The following CMSS1 variants were observed in gnomAD, a reference collection of about 807,000 sequenced individuals.
CMSS1 encodes the protein cms1 ribosomal small subunit homolog, also known as protein CMSS1.
CMSS1 carries 33 observed loss-of-function variants against 43.5 expected under a neutral mutation model. The ratio of observed to expected loss-of-function variants is 0.76; its 90% confidence interval spans 0.57 to 1.01. The LOEUF is 1.01. Ranked by LOEUF, CMSS1 falls within the 50% of genes least tolerant of loss-of-function variation. The probability of loss-of-function intolerance (pLI) is 0.00; values close to 1 mark genes in which losing one functional copy is unlikely to be tolerated. For missense variants in CMSS1, 313 were observed against 326.4 expected (o/e 0.96, Z 0.32); for synonymous variants, 115 against 117.2 (o/e 0.98, Z 0.12).
chr3:100,154,969 C>T (rs548395759), intron 2 of CMSS1, among the ~76,000 whole-genome samples: 1 of 152,294 alleles, frequency 6.6e-6, no homozygotes, highest in East Asian at 1.9e-4. Flanking sequence ...GAGTAAGACT[C>T]TGTCTCAAAA....
At chr3:100,045,771 G>A (rs1485481352) in intron 1 of CMSS1, among the ~76,000 whole-genome samples, 1 of 152,182 alleles carries the variant, frequency 6.6e-6, no homozygotes, top group Non-Finnish European at 1.5e-5. Flanking sequence ...GTGAATGTGG[G>A]GAAACCACAG....
chr3:99,914,120 A>G (rs979835503), intron 1 of CMSS1, among the ~76,000 whole-genome samples: 6 of 152,222 alleles, frequency 3.9e-5, no homozygotes, highest in African/African-American at 1.4e-4. Flanking sequence ...TCAACAAATC[A>G]GACTTTTCAG....
chr3:99,822,744 G>A (rs1295952410), intron 1 of CMSS1, among the ~76,000 whole-genome samples: 2 of 151,760 alleles, frequency 1.3e-5, no homozygotes, highest in Non-Finnish European at 2.9e-5. Context: ...AAATAATAAT[G>A]ATAATAATAA....
intron 6 of CMSS1, 54 bp from the exon 7 acceptor site, chr3:100,171,785 C>T (rs1238442311): frequency 7.1e-6 from 10 of 1,401,992 alleles, no homozygotes; most frequent in East Asian, 4.6e-5. Flanking sequence ...AAGTAGTCAT[C>T]GTGGCCTAGA....
At chr3:100,115,734 A>G (rs1184410887) in intron 1 of CMSS1, among the ~76,000 whole-genome samples, 1 of 151,924 alleles carries the variant, frequency 6.6e-6, no homozygotes, top group African/African-American at 2.4e-5. Flanking sequence ...TAAAAATGTA[A>G]GTATACTCTT....
At chr3:100,102,145 A>T (rs1398403619) in intron 1 of CMSS1, among the ~76,000 whole-genome samples, 3 of 152,170 alleles carry the variant, frequency 2.0e-5, no homozygotes, top group African/African-American at 7.2e-5. Context: ...CAGTAATGGG[A>T]TTGCTGGGTC....
At chr3:100,035,776 C>T (rs2065097502) in intron 1 of CMSS1, among the ~76,000 whole-genome samples, 1 of 152,088 alleles carries the variant, frequency 6.6e-6, no homozygotes, top group African/African-American at 2.4e-5. Flanking sequence ...GAAAGAATCC[C>T]CATGTGCTCA....
At chr3:99,904,478 T>G (rs1204297611) in intron 1 of CMSS1, among the ~76,000 whole-genome samples, 1 of 152,236 alleles carries the variant, frequency 6.6e-6, no homozygotes, top group Non-Finnish European at 1.5e-5. Context: ...ATATTTACTA[T>G]GCTTCTTTAG....
intron 1 of CMSS1, among the ~76,000 whole-genome samples, chr3:100,093,921 G>A (rs2066157973): frequency 1.3e-5 from 2 of 152,096 alleles, no homozygotes; most frequent in South Asian, 2.1e-4. Flanking sequence ...CCACCATAAA[G>A]ATTTGTGTAC....
At chr3:100,133,694 G>A (rs973057190) in intron 1 of CMSS1, among the ~76,000 whole-genome samples, 3 of 152,100 alleles carry the variant, frequency 2.0e-5, no homozygotes, top group Non-Finnish European at 2.9e-5. Flanking sequence ...TGTGGTTCTC[G>A]AAGATCAATC....
At chr3:100,039,467 C>A (rs966853727) in intron 1 of CMSS1, among the ~76,000 whole-genome samples, 2 of 152,050 alleles carry the variant, frequency 1.3e-5, no homozygotes, top group African/African-American at 4.8e-5. Context: ...TGGTTTAATA[C>A]TTAATGGAAA....
intron 1 of CMSS1, among the ~76,000 whole-genome samples, chr3:100,036,190 T>C (rs1264687943): frequency 6.6e-6 from 1 of 152,112 alleles, no homozygotes. Context: ...ACTAAAAAGG[T>C]CTAGAATCAA....
chr3:100,118,298 C>T (rs1173258919), intron 1 of CMSS1, among the ~76,000 whole-genome samples: 1 of 151,760 alleles, frequency 6.6e-6, no homozygotes, highest in Non-Finnish European at 1.5e-5. Context: ...GAAAATTTAA[C>T]ATAACATACA....
At chr3:99,913,089 C>T (rs572073535) in intron 1 of CMSS1, among the ~76,000 whole-genome samples, 15 of 151,962 alleles carry the variant, frequency 9.9e-5, no homozygotes, top group East Asian at 3.9e-4. Flanking sequence ...AACAAGGAGA[C>T]GACAGCGGTT....
chr3:99,989,361 A>G (rs1184014691), intron 1 of CMSS1, among the ~76,000 whole-genome samples: 1 of 152,146 alleles, frequency 6.6e-6, no homozygotes, highest in Non-Finnish European at 1.5e-5. Flanking sequence ...GAGTGAGGAA[A>G]CAGGAAAATC....
intron 1 of CMSS1, among the ~76,000 whole-genome samples, chr3:100,146,227 C>T (rs1318571083): frequency 1.3e-5 from 2 of 152,188 alleles, no homozygotes; most frequent in South Asian, 2.1e-4. Flanking sequence ...AATAGGAAAA[C>T]TGTTAAAACT....
chr3:100,041,135 A>G (rs1306907281), intron 1 of CMSS1: 1 of 152,192 alleles, frequency 6.6e-6, no homozygotes, highest in East Asian at 1.9e-4. Context: ...GCTCAGATAT[A>G]GCTAAATGCA....
chr3:100,106,857 G>A (rs2066404153), intron 1 of CMSS1, among the ~76,000 whole-genome samples: 1 of 152,090 alleles, frequency 6.6e-6, no homozygotes, highest in South Asian at 2.1e-4. Context: ...AGGTTATATT[G>A]TTGCTTTTTA....
At chr3:99,838,469 G>C (rs1315608612) in intron 1 of CMSS1, among the ~76,000 whole-genome samples, 1 of 152,188 alleles carries the variant, frequency 6.6e-6, no homozygotes, top group African/African-American at 2.4e-5. Flanking sequence ...TCCATGTAGA[G>C]AAGTGGGGAG....
Sources: gnomAD v4.1 joint callset for allele counts (sites outside exome capture counted in the v4.1 genomes callset) on GRCh38, gnomAD v4.1.1 for gene constraint, MANE v1.5 for transcripts, NCBI Gene and HGNC (gene_info 2026-07-23, HGNC 2026-07-21) for gene names.